SOX6: variants seen among roughly 807,000 people sequenced by gnomAD.
SOX6 encodes the protein transcription factor SOX-6.
SOX6 carries 11 observed loss-of-function variants against 97.8 expected under a neutral mutation model. The observed-to-expected ratio is 0.11, with a 90% CI of 0.07 to 0.19. SOX6 has a LOEUF of 0.19. Ranked by LOEUF, SOX6 falls within the 10% of genes least tolerant of loss-of-function variation. SOX6 has a pLI of 1.00. For synonymous variants in SOX6, 360 were observed against 371.4 expected (o/e 0.97, Z 0.35); for missense variants, 810 against 1,039.5 (o/e 0.78, Z 3.04).
chr11:16,140,590 A>G (rs1356392311), intron 6 of SOX6, among the ~76,000 whole-genome samples: 2 of 152,210 alleles, frequency 1.3e-5, no homozygotes, highest in Non-Finnish European at 2.9e-5. Flanking sequence ...AGTGTCTGGC[A>G]GATAAGACCA....
chr11:16,172,905 C>T (rs1215256340), intron 6 of SOX6, among the ~76,000 whole-genome samples: 8 of 151,872 alleles, frequency 5.3e-5, no homozygotes, highest in Admixed American at 5.3e-4. Context: ...AATACTATTT[C>T]GTCTCCAAGT....
chr11:16,421,491 G>A (rs185063762), intron 1 of SOX6, among the ~76,000 whole-genome samples: 7 of 152,176 alleles, frequency 4.6e-5, no homozygotes, highest in East Asian at 3.9e-4. Context: ...AATTATTGTC[G>A]TGTGAACAAA....
chr11:16,327,490 A>C (rs1286337833), intron 2 of SOX6, among the ~76,000 whole-genome samples: 1 of 152,108 alleles, frequency 6.6e-6, no homozygotes, highest in African/African-American at 2.4e-5. Context: ...ACCTCAAACC[A>C]ATTCCATTGA....
intron 4 of SOX6, among the ~76,000 whole-genome samples, chr11:16,602,723 T>C (rs1848285152): frequency 6.6e-6 from 1 of 151,742 alleles, no homozygotes; most frequent in Non-Finnish European, 1.5e-5. Context: ...CTTGCTGCCA[T>C]AGAAAAGCTA....
At chr11:16,484,503 C>T (rs1414920405) in intron 4 of SOX6, 2 of 806,566 alleles carry the variant, frequency 2.5e-6, no homozygotes, top group South Asian at 2.7e-5. Context: ...TGAATGGCCA[C>T]CTCCACCTCA....
chr11:16,509,899 A>G (rs1269274173), intron 4 of SOX6, among the ~76,000 whole-genome samples: 1 of 151,984 alleles, frequency 6.6e-6, no homozygotes, highest in African/African-American at 2.4e-5. Context: ...CTCAATAAAC[A>G]TAACAACACT....
At chr11:16,621,832 T>G (rs963274354) in intron 3 of SOX6, among the ~76,000 whole-genome samples, 2 of 152,316 alleles carry the variant, frequency 1.3e-5, no homozygotes, top group African/African-American at 2.4e-5. Flanking sequence ...ATCCTAAGAA[T>G]GCATATATGC....
At chr11:16,313,327 A>G (rs1011196253) in intron 3 of SOX6, 4 of 152,182 alleles carry the variant, frequency 2.6e-5, no homozygotes, top group Admixed American at 1.3e-4. Flanking sequence ...AGTCTGATAA[A>G]GAGTAAAAAT....
At position 16,328,098 on chromosome 11, in the gene SOX6, A is replaced by T. The variant is rs184631700; in HGVS notation, c.238-9445T>A. 5.9e-5 allele frequency among the ~76,000 whole-genome samples: 9 copies of T among 152,256 alleles called. No homozygotes were observed. The East Asian group carries it at 1.7e-3, about 29-fold the overall frequency. ...CCCTCCCTATAGACAAGGTTTATTGAGATATCCAATCATAGATTTGCCCTG... is the reference window on the plus strand; with the variant it reads ...CCCTCCCTATAGACAAGGTTTATTGTGATATCCAATCATAGATTTGCCCTG... On this transcript the variant is annotated intron_variant, in intron 2 of 15. Coordinates refer to ENST00000683767, the MANE Select transcript of SOX6 (RefSeq NM_001367873.1).
intron 2 of SOX6, among the ~76,000 whole-genome samples, chr11:16,718,577 C>T (rs1222794801): frequency 6.6e-6 from 1 of 151,994 alleles, no homozygotes; most frequent in East Asian, 1.9e-4. Flanking sequence ...TACATATTAT[C>T]CTGGTTCAGA....
At position 16,329,514 on chromosome 11, in the gene SOX6, G is replaced by GC. The variant is rs550696745; in HGVS notation, c.238-10862dup. ...ATAAAATAGTTAACAAAGTACAGGC[G>GC]CCCTGGGCAAGATTTTCCAGTTTAA... On this transcript the variant is annotated intron_variant, in intron 2 of 15. Transcript: ENST00000683767. 1.1e-4 allele frequency among the ~76,000 whole-genome samples: 17 copies of GC among 152,234 alleles called. No individual in the cohort carries two copies. The East Asian group carries it at 3.3e-3, about 29-fold the overall frequency.
At chr11:16,260,174 T>C (rs956559650) in intron 3 of SOX6, among the ~76,000 whole-genome samples, 1 of 151,916 alleles carries the variant, frequency 6.6e-6, no homozygotes, top group Non-Finnish European at 1.5e-5. Flanking sequence ...TAATTTTTTG[T>C]ATTTTTTAGT....
At chr11:16,700,703 C>T (rs144270623) in intron 3 of SOX6, among the ~76,000 whole-genome samples, 533 of 152,312 alleles carry the variant, frequency 3.5e-3, no homozygotes, top group Non-Finnish European at 6.5e-3. Flanking sequence ...ACAACTATGA[C>T]TCCTGCCCAC....
chr11:16,262,539 C>A (rs961101311), intron 3 of SOX6, among the ~76,000 whole-genome samples: 2 of 151,990 alleles, frequency 1.3e-5, no homozygotes, highest in East Asian at 1.9e-4. Context: ...AGCCACAAAC[C>A]AAAGTGTAAT....
intron 2 of SOX6, among the ~76,000 whole-genome samples, chr11:16,335,088 G>C (rs753679498): frequency 3.9e-5 from 6 of 152,082 alleles, no homozygotes; most frequent in Non-Finnish European, 5.9e-5. Context: ...TTATTTTTTA[G>C]TTCAAATACT....
intron 1 of SOX6, among the ~76,000 whole-genome samples, chr11:16,392,170 T>A (rs2134427631): frequency 6.6e-6 from 1 of 152,280 alleles, no homozygotes; most frequent in South Asian, 2.1e-4. Flanking sequence ...TGTAATGGTA[T>A]ATATTTGTAT....
chr11:16,082,228 C>T (rs1286817749), intron 9 of SOX6, among the ~76,000 whole-genome samples: 1 of 152,120 alleles, frequency 6.6e-6, no homozygotes, highest in Non-Finnish European at 1.5e-5. Context: ...AGGGACACAG[C>T]AGGCTAAGTC....
At chr11:16,450,377 G>A (rs923036110) in intron 1 of SOX6, among the ~76,000 whole-genome samples, 4 of 152,128 alleles carry the variant, frequency 2.6e-5, no homozygotes, top group African/African-American at 4.8e-5. Flanking sequence ...TTGTTGATAC[G>A]TTAACAACAA....
intron 7 of SOX6, among the ~76,000 whole-genome samples, chr11:16,108,760 G>A (rs1849158303): frequency 6.6e-6 from 1 of 152,204 alleles, no homozygotes; most frequent in Non-Finnish European, 1.5e-5. Flanking sequence ...ACCCACTGAG[G>A]TGGGAGAGCT....
Sources: allele counts gnomAD v4.1 joint callset (sites outside exome capture counted in the v4.1 genomes callset), GRCh38; gene constraint gnomAD v4.1.1; transcripts MANE v1.5; gene names NCBI Gene and HGNC (gene_info 2026-07-23, HGNC 2026-07-21).